The following IMMT variants were observed in gnomAD, a reference collection of about 807,000 sequenced individuals.
IMMT encodes the protein inner membrane mitochondrial protein.
In IMMT, 40 loss-of-function variants were observed where a neutral mutation model predicts 92.7. The observed-to-expected ratio is 0.43, with a 90% CI of 0.34 to 0.56. The LOEUF is 0.56. IMMT is among the 20% of genes least tolerant of loss of function. The pLI, the probability that IMMT is intolerant of heterozygous loss-of-function variation, is 0.03. For missense variants in IMMT, 831 were observed against 912.1 expected (o/e 0.91, Z 1.14); for synonymous variants, 322 against 336.1 (o/e 0.96, Z 0.46).
chr2:86,180,116 T>A (rs12469363), intron 2 of IMMT, among the ~76,000 whole-genome samples: 69,825 of 151,944 alleles, frequency 0.46, 16,591 homozygotes, highest in Non-Finnish European at 0.51. Context: ...TATGAATAAC[T>A]AAAAATTTTT....
chr2:86,144,163 C>G lies in IMMT; in HGVS notation c.*105G>C. On this transcript the variant is annotated 3_prime_UTR_variant, in exon 15 of 15. Transcript: ENST00000410111. ...AACATTTAGAACAGTACTTGTAAAC[C>G]TGCTCATTTCTAGACAAGTCCGGGA... 1 of 1,242,790 alleles carries G rather than the reference C, an allele frequency of 8.0e-7. No individual in the cohort carries two copies. Among genetic ancestry groups the G allele is most frequent in the Non-Finnish European group, 1.1e-6 (1 of 893,092 alleles). The allele number at this position is 1,242,790 out of a possible 1,614,324, so 77.0% of individuals were successfully genotyped here.
chr2:86,180,568 AAC>A (rs1672368427), intron 2 of IMMT, among the ~76,000 whole-genome samples: 1 of 151,774 alleles, frequency 6.6e-6, no homozygotes, highest in Admixed American at 6.6e-5. Flanking sequence ...GCCCGGCCTA[AAC>A]ACAATAAACT....
At chr2:86,171,426 C>G (rs2105231150) in intron 4 of IMMT, 81 bp from the exon 5 acceptor site, 2 of 1,272,902 alleles carry the variant, frequency 1.6e-6, no homozygotes, top group East Asian at 5.0e-5. Context: ...CCACCATCAC[C>G]ACCCACTTCA....
At chr2:86,147,875 A>G in intron 12 of IMMT, 42 bp from the exon 13 acceptor site, 1 of 1,594,044 alleles carries the variant, frequency 6.3e-7, no homozygotes, top group African/African-American at 1.3e-5. Context: ...TCAATTCTCC[A>G]CATATACTTT....
At chr2:86,170,650 CACAACTAGGTGATAGATG>C (rs1442691311) in intron 6 of IMMT, 81 bp downstream of exon 6, 10 of 743,958 alleles carry the variant, frequency 1.3e-5, no homozygotes, top group Non-Finnish European at 2.0e-5. Context: ...CAAAAGAAAC[CACAACTAGGTGATAGATG>C]ACAAACTTGT....
chr2:86,171,862 A>ATATTTTTT lies in IMMT; in HGVS notation c.422-518_422-517insAAAAAATA, dbSNP rs111461385. ...AGTTAAAATACATATATATATATAT[A>ATATTTTTT]TTTTTTGCACACTTTGGGAGGCCAA... is the stretch of plus-strand genomic sequence containing the variant. On this transcript the variant is annotated intron_variant, in intron 4 of 14. Coordinates refer to ENST00000410111, the MANE Select transcript of IMMT (RefSeq NM_006839.3). Among the ~76,000 whole-genome samples, 688 of 149,926 alleles carry ATATTTTTT rather than the reference A, an allele frequency of 4.6e-3. 7 individuals carry two copies. The highest frequency in any genetic ancestry group is 0.016 in the African/African-American group (647 of 40,704).
In IMMT at chr2:86,179,490, T is replaced by C; in HGVS notation, c.252A>G (p.Lys84=). 1 of 1,612,582 alleles carries C rather than the reference T, an allele frequency of 6.2e-7. No individual in the cohort carries two copies. Among genetic ancestry groups the C allele is most frequent in the Non-Finnish European group, 8.5e-7 (1 of 1,179,448 alleles). ...CAGGACCAAGAACCATCTCGAAGAG[T>C]TTGTCTGAGTAAGGTATGGTTTTCT... ...SVEKTIPYSD[K]LFEMVLGPAA... The change falls in exon 3 of 15, where the codon AAA becomes AAG. Residue 84 remains lysine, a synonymous_variant. Coordinates refer to ENST00000410111, the MANE Select transcript of IMMT (RefSeq NM_006839.3).
At chr2:86,167,175 T>C (rs552216870) in intron 6 of IMMT, among the ~76,000 whole-genome samples, 3 of 144,940 alleles carry the variant, frequency 2.1e-5, no homozygotes, top group East Asian at 4.0e-4. Context: ...TACACTTCTT[T>C]TTTTTTTTTT....
intron 7 of IMMT, among the ~76,000 whole-genome samples, chr2:86,163,903 G>A (rs1468338749): frequency 1.5e-5 from 2 of 132,060 alleles, no homozygotes; most frequent in South Asian, 2.4e-4. Context: ...AGGTTGCAGT[G>A]AGCCGAGATC....
At chr2:86,165,644 C>T (rs1303056700) in intron 7 of IMMT, among the ~76,000 whole-genome samples, 1 of 152,108 alleles carries the variant, frequency 6.6e-6, no homozygotes, top group African/African-American at 2.4e-5. Flanking sequence ...AATAGAGATA[C>T]ATTTATACAT....
chr2:86,162,099 T>A lies in IMMT; in HGVS notation c.793-20A>T, dbSNP rs754089028. The stretch of plus-strand genomic sequence containing the variant: ...TGCAATCTAAACAAAAAATTTTAAT[T>A]ATATAATAAATAACTGCTATTATTG... On this transcript the variant is annotated intron_variant, in intron 7 of 14. Coordinates refer to ENST00000410111, the MANE Select transcript of IMMT (RefSeq NM_006839.3). 3.2e-5 allele frequency: 47 copies of A among 1,450,772 alleles called. No homozygotes were observed. The highest frequency in any genetic ancestry group is 4.0e-5 in the Non-Finnish European group (43 of 1,068,870). The allele number at this position is 1,450,772 out of a possible 1,614,324, so 89.9% of individuals were successfully genotyped here.
chr2:86,187,890 C>T (rs868443450), intron 1 of IMMT, among the ~76,000 whole-genome samples: 15 of 148,514 alleles, frequency 1.0e-4, no homozygotes, highest in Non-Finnish European at 1.9e-4. Flanking sequence ...CCAGCCTGGG[C>T]AACAAGAGTG....
chr2:86,169,568 T>A (rs537786673), intron 6 of IMMT, among the ~76,000 whole-genome samples: 2 of 152,094 alleles, frequency 1.3e-5, no homozygotes, highest in South Asian at 4.1e-4. Flanking sequence ...AGTACTGAAC[T>A]CTCTGTCCAG....
In IMMT at chr2:86,144,345, T is replaced by C. The variant is rs1322055997; in HGVS notation, c.2200A>G (p.Thr734Ala). Residue 734 changes from threonine (T) to alanine (A), a missense_variant, in exon 15 of 15, where the codon ACG (threonine) becomes GCG (alanine). Coordinates refer to ENST00000410111, the MANE Select transcript of IMMT (RefSeq NM_006839.3). ...WLKEARMTLE[T>A]KQIVEILTAY... ...GTCAGGATTTCCACTATCTGTTTCGTTTCTAGGGTCATTCGGGCTTCCTTC... is the reference window on the plus strand; with the variant it reads ...GTCAGGATTTCCACTATCTGTTTCGCTTCTAGGGTCATTCGGGCTTCCTTC... The C allele has an allele frequency of 1.9e-6, 3 of 1,613,982 alleles. No homozygotes were observed. In the South Asian group the frequency reaches 3.3e-5, roughly 18 times the overall value.
intron 9 of IMMT, chr2:86,159,226 C>G: frequency 2.7e-6 from 1 of 374,682 alleles, no homozygotes; most frequent in Admixed American, 3.7e-5. Context: ...GCTAGGACTA[C>G]AGGCGCACAC....
intron 12 of IMMT, among the ~76,000 whole-genome samples, chr2:86,149,866 A>G (rs1411072844): frequency 6.7e-6 from 1 of 148,370 alleles, no homozygotes; most frequent in African/African-American, 2.5e-5. Context: ...GGCCACAAAG[A>G]CAGACTCTGT....
intron 1 of IMMT, among the ~76,000 whole-genome samples, chr2:86,192,396 C>T (rs1021893150): frequency 2.0e-5 from 3 of 151,918 alleles, no homozygotes; most frequent in African/African-American, 7.3e-5. Context: ...TCACTTGAGC[C>T]CAGAAGCTGA....
intron 3 of IMMT, among the ~76,000 whole-genome samples, chr2:86,175,689 AC>A (rs1677385808): frequency 6.6e-6 from 1 of 151,228 alleles, no homozygotes. Context: ...ACAAGTTGAC[AC>A]GATGTTTAAC....
chr2:86,192,460 TA>T (rs138887674), intron 1 of IMMT, among the ~76,000 whole-genome samples: 3 of 151,800 alleles, frequency 2.0e-5, no homozygotes, highest in African/African-American at 4.8e-5. Context: ...CTTTTTAAAT[TA>T]AAAAAAAATT....
Sources: allele counts gnomAD v4.1 joint callset (sites outside exome capture counted in the v4.1 genomes callset), GRCh38; gene constraint gnomAD v4.1.1; transcripts MANE v1.5; gene names NCBI Gene and HGNC (gene_info 2026-07-23, HGNC 2026-07-21).